The following MYO5A variants were observed in gnomAD, a reference collection of about 807,000 sequenced individuals.
MYO5A encodes unconventional myosin-Va.
In MYO5A, 98 loss-of-function variants were observed where a neutral mutation model predicts 249.7. The ratio of observed to expected loss-of-function variants is 0.39; its 90% CI spans 0.33 to 0.46. MYO5A has a LOEUF of 0.46. Ranked by LOEUF, MYO5A falls within the 20% of genes least tolerant of loss-of-function variation. The pLI is 0.98. For synonymous variants in MYO5A, 778 were observed against 810.6 expected, an observed-to-expected ratio of 0.96 and a Z score of 0.68; for missense variants, 1,696 against 2,308.8, an observed-to-expected ratio of 0.73 and a Z score of 5.44.
At chr15:52,511,900 A>G (rs975580482) in intron 1 of MYO5A, among the ~76,000 whole-genome samples, 4 of 152,214 alleles carry the variant, frequency 2.6e-5, no homozygotes, top group African/African-American at 9.6e-5. Flanking sequence ...GCAGTGGCTC[A>G]CGCCTGTAAT....
At chr15:52,318,224 G>T (rs2085034880) in intron 39 of MYO5A, among the ~76,000 whole-genome samples, 1 of 150,978 alleles carries the variant, frequency 6.6e-6, no homozygotes, top group South Asian at 2.1e-4. Context: ...GGGAGGCCGA[G>T]ACAGGTGGAT....
In MYO5A at chr15:52,311,776, A is replaced by C. The variant is rs1213051435; in HGVS notation, c.*1920T>G. ...AAGGGCTGAGAAGAGAGAATTTTAAATGTGGAGGAGATGTTAAGAATCAGT... is the reference window on the plus strand; with the variant it reads ...AAGGGCTGAGAAGAGAGAATTTTAACTGTGGAGGAGATGTTAAGAATCAGT... On this transcript the variant is annotated 3_prime_UTR_variant, in exon 42 of 42. Transcript: ENST00000399233. The C allele has an allele frequency of 6.6e-6, 1 of 152,588 alleles. No homozygotes were observed. Among genetic ancestry groups the C allele is most frequent in the African/African-American group, 2.4e-5 (1 of 41,440 alleles). 9.5% of individuals were successfully genotyped at this position (152,588 alleles called of 1,614,324 possible).
chr15:52,402,824 G>C (rs146712009), intron 9 of MYO5A, among the ~76,000 whole-genome samples: 1 of 151,904 alleles, frequency 6.6e-6, no homozygotes, highest in Non-Finnish European at 1.5e-5. Context: ...CAGACCAGGC[G>C]ACAGAGCAAG....
At chr15:52,520,622 T>C (rs1285097896) in intron 1 of MYO5A, among the ~76,000 whole-genome samples, 1 of 152,174 alleles carries the variant, frequency 6.6e-6, no homozygotes, top group African/African-American at 2.4e-5. Context: ...CCTCTTTGGC[T>C]TTGAGTTTGG....
intron 34 of MYO5A, 46 bp downstream of exon 34, chr15:52,336,410 GCCAAGAC>G: frequency 8.2e-7 from 1 of 1,218,696 alleles, no homozygotes; most frequent in Middle Eastern, 1.9e-4. Context: ...TAGTCTTTAA[GCCAAGAC>G]TCAAACCAAG....
intron 9 of MYO5A, among the ~76,000 whole-genome samples, chr15:52,402,505 GGTGGGGCAGAACTATCAA>G (rs1211213183): frequency 2.6e-5 from 4 of 152,146 alleles, no homozygotes; most frequent in African/African-American, 9.7e-5. Flanking sequence ...ATGCCTTCAA[GGTGGGGCAGAACTATCAA>G]ATAGAGATGT....
rs559595007 is a variant in MYO5A at position 52,376,329 on chromosome 15, T to C, written c.2420+18A>G. On this transcript the variant is annotated intron_variant, in intron 19 of 41. Transcript: ENST00000399233. Reference sequence around the variant, plus strand: ...AGTGAATTAGATGGGCACTCTACTCTGTCCCCAGGAGACCTACCATCGGGC... The same window carrying C: ...AGTGAATTAGATGGGCACTCTACTCCGTCCCCAGGAGACCTACCATCGGGC... The C allele has an allele frequency of 3.7e-6, 6 of 1,611,930 alleles. No individual in the cohort carries two copies. The Admixed American group carries it at 5.0e-5, about 13-fold the overall frequency.
intron 28 of MYO5A, 109 bp downstream of exon 28, chr15:52,351,145 G>C: frequency 1.2e-6 from 1 of 851,602 alleles, no homozygotes; most frequent in Non-Finnish European, 2.0e-6. Flanking sequence ...TCCTCAATTA[G>C]ATTAAAAATG....
At chr15:52,400,133 T>C (rs2042683244) in intron 9 of MYO5A, among the ~76,000 whole-genome samples, 1 of 152,192 alleles carries the variant, frequency 6.6e-6, no homozygotes. Flanking sequence ...CTTTTCAACA[T>C]TTGTTTTTCT....
rs774971167 is a variant in MYO5A, at chr15:52,313,649, T to TAAA, written c.*46_*47insTTT. ...TAACTCACTGGAAATAATGGGTTCT[T>TAAA]ATTTCGGGCAAGAAATGTATTGTCA... On this transcript the variant is annotated 3_prime_UTR_variant, in exon 42 of 42. Transcript: ENST00000399233. 1.9e-6 allele frequency: 3 copies of TAAA among 1,606,928 alleles called. No individual in the cohort carries two copies. In the African/African-American group the frequency reaches 4.0e-5, roughly 22 times the overall value.
At chr15:52,479,746 T>G (rs1250388185) in intron 1 of MYO5A, among the ~76,000 whole-genome samples, 1 of 152,150 alleles carries the variant, frequency 6.6e-6, no homozygotes, top group Non-Finnish European at 1.5e-5. Context: ...GATTATCATT[T>G]GTGGTTTCCA....
chr15:52,509,781 T>C (rs538674852), intron 1 of MYO5A, among the ~76,000 whole-genome samples: 27 of 152,192 alleles, frequency 1.8e-4, no homozygotes, highest in Non-Finnish European at 3.7e-4. Context: ...CTACATGGCC[T>C]GAATGATTCA....
At chr15:52,496,753 G>A (rs17651611) in intron 1 of MYO5A, among the ~76,000 whole-genome samples, 1 of 152,098 alleles carries the variant, frequency 6.6e-6, no homozygotes, top group East Asian at 1.9e-4. Flanking sequence ...ACTCAACACT[G>A]AGAAAAGTTT....
chr15:52,342,605 T>C (rs1009905512), intron 31 of MYO5A, among the ~76,000 whole-genome samples: 24 of 152,258 alleles, frequency 1.6e-4, no homozygotes, highest in African/African-American at 5.5e-4. Flanking sequence ...TAGTATCTTG[T>C]AGTGAAGGTT....
chr15:52,354,840 T>A (rs7178172), intron 25 of MYO5A, among the ~76,000 whole-genome samples: 1 of 150,640 alleles, frequency 6.6e-6, no homozygotes. Context: ...GGCAGCAGAG[T>A]GAGACTCCAT....
At position 52,388,476 on chromosome 15, in the gene MYO5A, C is replaced by G. The variant is rs1036285160; in HGVS notation, c.1669-564G>C. ...TCAGTTGTCTGCCACTCAAGGGGGT[C>G]AAAGCTTGCATGACAAAACCTTTAG... On this transcript the variant is annotated intron_variant, in intron 13 of 41. Transcript: ENST00000399233. 1.1e-4 allele frequency among the ~76,000 whole-genome samples: 16 copies of G among 152,138 alleles called. 1 individual carries two copies. Among genetic ancestry groups the G allele is most frequent in the Admixed American group, 8.5e-4 (13 of 15,272 alleles).
At position 52,307,614 on chromosome 15, in the gene MYO5A, C is replaced by A. The variant is rs2037661167; in HGVS notation, c.*6082G>T. On this transcript the variant is annotated 3_prime_UTR_variant, in exon 42 of 42. Coordinates refer to ENST00000399233, the MANE Select transcript of MYO5A (RefSeq NM_001382347.1). ...TCCTTTTTAATGGGTAAATGTTTCA[C>A]CTAAGAACTTTCAAAAAATTGTATC... The A allele has an allele frequency of 6.6e-6, 1 of 151,980 alleles. No individual in the cohort carries two copies. The highest frequency in any genetic ancestry group is 2.4e-5 in the African/African-American group (1 of 41,378). 9.4% of individuals were successfully genotyped at this position (151,980 alleles called of 1,614,324 possible). A position where few individuals can be genotyped will look rare whatever the true frequency, so the allele number is the denominator to read the frequency against.
chr15:52,519,152 T>C (rs1216187738), intron 1 of MYO5A, among the ~76,000 whole-genome samples: 3 of 152,148 alleles, frequency 2.0e-5, no homozygotes, highest in Non-Finnish European at 4.4e-5. Context: ...CAATTCTTAC[T>C]GTTGTGCAAT....
intron 1 of MYO5A, among the ~76,000 whole-genome samples, chr15:52,479,584 A>G (rs528812220): frequency 6.6e-6 from 1 of 152,354 alleles, no homozygotes; most frequent in South Asian, 2.1e-4. Flanking sequence ...CTTAAAAAAA[A>G]GTTAGGTCTG....
Sources: allele counts gnomAD v4.1 joint callset (sites outside exome capture counted in the v4.1 genomes callset), GRCh38; gene constraint gnomAD v4.1.1; transcripts MANE v1.5; gene names NCBI Gene and HGNC (gene_info 2026-07-23, HGNC 2026-07-21).